Variants in MEGF10 observed in about 807,000 individuals in gnomAD.
MEGF10 encodes the protein multiple EGF like domains 10, also known as multiple epidermal growth factor-like domains protein 10.
Under a neutral mutation model 147.5 loss-of-function variants are expected in MEGF10, and 86 were observed. The ratio of observed to expected loss-of-function variants is 0.58; its 90% CI spans 0.49 to 0.70. The LOEUF (loss-of-function observed/expected upper bound fraction) is 0.70, where lower values mean the gene tolerates loss of function less well. MEGF10 is among the 30% of genes least tolerant of loss of function. The pLI is 0.00. For missense variants in MEGF10, 1,329 were observed against 1,487.3 expected, an observed-to-expected ratio of 0.89 and a Z score of 1.75; for synonymous variants, 478 against 525.5, an observed-to-expected ratio of 0.91 and a Z score of 1.24.
At chr5:127,238,435 G>A in the MEGF10 span, among the ~76,000 whole-genome samples, 3 of 152,086 alleles carry the variant, frequency 2.0e-5, no homozygotes, top group South Asian at 6.2e-4. Context: ...TCCTTCTCTG[G>A]AAACATTACC....
intron 5 of MEGF10, among the ~76,000 whole-genome samples, chr5:127,393,099 A>T (rs1007760073): frequency 6.6e-6 from 1 of 152,146 alleles, no homozygotes; most frequent in Non-Finnish European, 1.5e-5. Flanking sequence ...TACTCAAGCT[A>T]TTTTCATGTT....
intron 4 of MEGF10, among the ~76,000 whole-genome samples, chr5:127,346,416 G>A (rs892661233): frequency 2.6e-5 from 4 of 152,002 alleles, no homozygotes; most frequent in Admixed American, 6.6e-5. Flanking sequence ...GGAGTAAGGC[G>A]GTATCATATT....
chr5:127,237,028 A>G, the MEGF10 span, among the ~76,000 whole-genome samples: 1 of 152,160 alleles, frequency 6.6e-6, no homozygotes, highest in African/African-American at 2.4e-5. Flanking sequence ...TATTTACCCA[A>G]AGAAACTAAG....
chr5:127,371,638 G>A (rs1762856166), intron 5 of MEGF10, among the ~76,000 whole-genome samples: 1 of 152,064 alleles, frequency 6.6e-6, no homozygotes, highest in Non-Finnish European at 1.5e-5. Flanking sequence ...AGACTACCTC[G>A]AGCTAAGGGC....
In MEGF10 at chr5:127,303,335, C is replaced by CAAAAAAAA. The variant is rs1174955274; in HGVS notation, c.-19+12292_-19+12299dup. 2.2e-4 allele frequency among the ~76,000 whole-genome samples: 11 copies of CAAAAAAAA among 50,618 alleles called. 3 individuals carry two copies. Among genetic ancestry groups the CAAAAAAAA allele is most frequent in the Non-Finnish European group, 1.9e-4 (4 of 21,208 alleles). The allele number at this position is 50,618 out of a possible 152,430, so 33.2% of individuals were successfully genotyped here. On this transcript the variant is annotated intron_variant, in intron 1 of 24. Coordinates refer to ENST00000503335, the MANE Select transcript of MEGF10 (RefSeq NM_001256545.2). ...TGGACAACAGATCGAGACTCCATGT[C>CAAAAAAAA]AAAAAAAAAAAAAAAAAAAAGCAAT...
upstream of MEGF10, among the ~76,000 whole-genome samples, chr5:127,286,511 T>C (rs1759033906): frequency 1.3e-5 from 2 of 152,010 alleles, no homozygotes; most frequent in African/African-American, 4.8e-5. Flanking sequence ...ATATAACCTA[T>C]GGGTTAAAGA....
chr5:127,308,781 T>G (rs1431657310), intron 1 of MEGF10, among the ~76,000 whole-genome samples: 1 of 151,780 alleles, frequency 6.6e-6, no homozygotes, highest in Non-Finnish European at 1.5e-5. Context: ...AGTTAATGGG[T>G]GCAGCACACC....
intron 1 of MEGF10, among the ~76,000 whole-genome samples, chr5:127,297,102 G>C (rs1388794083): frequency 6.6e-6 from 1 of 152,142 alleles, no homozygotes; most frequent in Non-Finnish European, 1.5e-5. Context: ...GAGTAGCTGG[G>C]ATTACAGGCA....
the MEGF10 span, among the ~76,000 whole-genome samples, chr5:127,246,933 T>C: frequency 7.9e-6 from 1 of 126,590 alleles, no homozygotes; most frequent in Admixed American, 8.5e-5. Flanking sequence ...TACAATAATA[T>C]ATGATTATAT....
chr5:127,265,997 T>A, the MEGF10 span, among the ~76,000 whole-genome samples: 3 of 152,212 alleles, frequency 2.0e-5, no homozygotes, highest in Admixed American at 1.3e-4. Context: ...TCCTTTCCCA[T>A]GCCTATGTCC....
intron 13 of MEGF10, among the ~76,000 whole-genome samples, chr5:127,425,468 G>A (rs1765179373): frequency 6.6e-6 from 1 of 152,170 alleles, no homozygotes; most frequent in Non-Finnish European, 1.5e-5. Flanking sequence ...TGTGTGGGCT[G>A]TTGGTCTGTA....
At chr5:127,299,799 G>A (rs1759689691) in intron 1 of MEGF10, among the ~76,000 whole-genome samples, 1 of 151,794 alleles carries the variant, frequency 6.6e-6, no homozygotes, top group Non-Finnish European at 1.5e-5. Context: ...GGCAGAACAG[G>A]GAAAGCCTTT....
intron 1 of MEGF10, among the ~76,000 whole-genome samples, chr5:127,319,494 G>C (rs148243721): frequency 5.9e-5 from 9 of 152,166 alleles, no homozygotes; most frequent in African/African-American, 1.9e-4. Context: ...GCTGGGTGCT[G>C]TTTTAGGTAC....
chr5:127,450,627 A>AT (rs1200044455), intron 22 of MEGF10, among the ~76,000 whole-genome samples: 3 of 152,266 alleles, frequency 2.0e-5, no homozygotes, highest in Non-Finnish European at 2.9e-5. Flanking sequence ...TAAGCAACAC[A>AT]TTTTTTTGTA....
At chr5:127,340,008 T>C (rs538360659) in intron 3 of MEGF10, among the ~76,000 whole-genome samples, 3 of 152,302 alleles carry the variant, frequency 2.0e-5, no homozygotes, top group African/African-American at 7.2e-5. Context: ...CCAAGTAAAA[T>C]GTAAGTTCCT....
intron 1 of MEGF10, among the ~76,000 whole-genome samples, chr5:127,323,030 A>G (rs1314550455): frequency 6.6e-6 from 1 of 152,064 alleles, no homozygotes. Flanking sequence ...ATGCATATAT[A>G]TATGTATATG....
At chr5:127,444,209 A>G (rs1765857669) in intron 19 of MEGF10, among the ~76,000 whole-genome samples, 1 of 152,234 alleles carries the variant, frequency 6.6e-6, no homozygotes, top group Non-Finnish European at 1.5e-5. Context: ...CAGTTGGGCT[A>G]TAAAAGGCTT....
intron 5 of MEGF10, among the ~76,000 whole-genome samples, chr5:127,390,760 T>G (rs529696074): frequency 5.9e-5 from 9 of 152,274 alleles, no homozygotes; most frequent in African/African-American, 1.9e-4. Flanking sequence ...TTCAATTTAT[T>G]GTTATAATCA....
At chr5:127,387,194 A>G (rs1348388699) in intron 5 of MEGF10, among the ~76,000 whole-genome samples, 4 of 152,200 alleles carry the variant, frequency 2.6e-5, no homozygotes, top group Admixed American at 2.6e-4. Flanking sequence ...ACAATGTATT[A>G]ATGTACCCTT....
Sources: gnomAD v4.1 joint callset for allele counts (sites outside exome capture counted in the v4.1 genomes callset) on GRCh38, gnomAD v4.1.1 for gene constraint, MANE v1.5 for transcripts, NCBI Gene and HGNC (gene_info 2026-07-23, HGNC 2026-07-21) for gene names.